BLVRA: variants seen among roughly 807,000 people sequenced by gnomAD.
The protein encoded by BLVRA is BVR A.
BLVRA carries 22 observed loss-of-function variants against 32.8 expected under a neutral mutation model. That is an observed-to-expected ratio of 0.67 (90% CI 0.48 to 0.96). The LOEUF (loss-of-function observed/expected upper bound fraction) is 0.96. BLVRA is among the 40% of genes least tolerant of loss of function. The probability of loss-of-function intolerance (pLI) is 0.00; values close to 1 mark genes in which losing one functional copy is unlikely to be tolerated. For missense variants in BLVRA, 323 were observed against 358.1 expected (o/e 0.90, Z 0.79); for synonymous variants, 119 against 141.3 (o/e 0.84, Z 1.12).
chr7:43,773,656 T>C (rs1197413400), intron 2 of BLVRA, among the ~76,000 whole-genome samples: 2 of 152,206 alleles, frequency 1.3e-5, no homozygotes, highest in Admixed American at 1.3e-4. Context: ...ATATACCCAG[T>C]AATGGGATGG....
At chr7:43,762,129 G>A (rs899896290) in intron 1 of BLVRA, among the ~76,000 whole-genome samples, 3 of 152,134 alleles carry the variant, frequency 2.0e-5, no homozygotes, top group African/African-American at 7.2e-5. Flanking sequence ...GAGGAACAAG[G>A]AGGAAGGTCA....
chr7:43,788,008 G>T lies in BLVRA; in HGVS notation c.117G>T (p.Leu39=). 1 of 1,614,206 alleles carries T rather than the reference G, an allele frequency of 6.2e-7. No homozygotes were observed. The highest frequency in any genetic ancestry group is 8.5e-7 in the Non-Finnish European group (1 of 1,180,028). ...ACCCTTCCTCAGCGTTCCTGAACCT[G>T]ATTGGCTTCGTGTCGAGGTGGCTCA... ...NPHPSSAFLN[L]IGFVSRRELG... Residue 39 remains leucine, a synonymous_variant, in exon 3 of 8, where the codon CTG becomes CTT. Transcript: ENST00000265523.
chr7:43,792,164 G>A (rs988287937), intron 4 of BLVRA, among the ~76,000 whole-genome samples: 5 of 152,176 alleles, frequency 3.3e-5, no homozygotes, highest in Non-Finnish European at 5.9e-5. Flanking sequence ...TATCCTCCAC[G>A]GCCTGTAGTC....
In BLVRA at chr7:43,791,274, G is replaced by A. The variant is rs1475481001; in HGVS notation, c.160G>A (p.Val54Ile). The change falls in exon 4 of 8, where the codon GTC (valine) becomes ATC (isoleucine). Residue 54 changes from valine (V) to isoleucine (I), a missense_variant. Transcript: ENST00000265523. The stretch of plus-strand genomic sequence containing the variant: ...AAGGGAGCTCGGGAGCATTGATGGA[G>A]TCCAGCAGATTTCTTTGGAGGATGC... The part of the protein sequence containing the change: ...SRRELGSIDG[V>I]QQISLEDALS... 1.2e-6 allele frequency: 2 copies of A among 1,614,082 alleles called. No individual in the cohort carries two copies. The highest frequency in any genetic ancestry group is 1.7e-6 in the Non-Finnish European group (2 of 1,180,042).
At chr7:43,780,917 T>C (rs1245006394) in intron 2 of BLVRA, among the ~76,000 whole-genome samples, 2 of 152,196 alleles carry the variant, frequency 1.3e-5, no homozygotes, top group Non-Finnish European at 2.9e-5. Flanking sequence ...GAGGCCGAGG[T>C]GGGCGGATCA....
At chr7:43,802,373 ATAATG>A (rs1177172623) in intron 6 of BLVRA, among the ~76,000 whole-genome samples, 19 of 152,328 alleles carry the variant, frequency 1.2e-4, no homozygotes, top group Admixed American at 2.0e-4. Flanking sequence ...TGTTTTGTTT[ATAATG>A]TAATGTAACA....
At chr7:43,800,305 C>A in intron 5 of BLVRA, 160 bp from the exon 6 acceptor site, 1 of 682,934 alleles carries the variant, frequency 1.5e-6, no homozygotes, top group Admixed American at 2.1e-5. Flanking sequence ...GCCTCTTCAG[C>A]TGGGGTGGGT....
At chr7:43,793,464 A>G (rs891219995) in intron 5 of BLVRA, among the ~76,000 whole-genome samples, 15 of 152,160 alleles carry the variant, frequency 9.9e-5, no homozygotes, top group African/African-American at 3.6e-4. Context: ...TGTTCCCCTA[A>G]GCCATACCAC....
intron 1 of BLVRA, among the ~76,000 whole-genome samples, chr7:43,765,169 A>G (rs1271208743): frequency 2.6e-5 from 4 of 152,190 alleles, no homozygotes; most frequent in Non-Finnish European, 4.4e-5. Context: ...TTTTTCTTTC[A>G]ACTTTCTAGT....
At position 43,781,182 on chromosome 7, in the gene BLVRA, T is replaced by C. The variant is rs553020698; in HGVS notation, c.13-6722T>C. ...AATTATATGCAGTAAAACTGCCTCT[T>C]TTTTTTTGGTGTAGAGGTTTACCCA... On this transcript the variant is annotated intron_variant, in intron 2 of 7. Coordinates refer to ENST00000265523, the MANE Select transcript of BLVRA (RefSeq NM_000712.4). Among the ~76,000 whole-genome samples the C allele has an allele frequency of 2.6e-5, 4 of 151,828 alleles. No homozygotes were observed. In the East Asian group the frequency reaches 7.7e-4, roughly 29 times the overall value.
intron 3 of BLVRA, among the ~76,000 whole-genome samples, chr7:43,789,692 A>G (rs1167211232): frequency 6.6e-6 from 1 of 152,096 alleles, no homozygotes; most frequent in Non-Finnish European, 1.5e-5. Context: ...ACACCCCTGC[A>G]TGACAGCCCT....
chr7:43,791,111 C>T (rs1424486089), intron 3 of BLVRA, 138 bp from the exon 4 acceptor site: 1 of 1,476,332 alleles, frequency 6.8e-7, no homozygotes, highest in African/African-American at 1.4e-5. Context: ...TGGAAAATAG[C>T]CTGGAAGTGG....
At chr7:43,806,883 A>G in intron 7 of BLVRA, 94 bp from the exon 8 acceptor site, 1 of 1,462,518 alleles carries the variant, frequency 6.8e-7, no homozygotes, top group Non-Finnish European at 9.6e-7. Context: ...GGTGCCTGAC[A>G]AGGACATGTT....
chr7:43,766,936 G>A (rs935175136), intron 1 of BLVRA, among the ~76,000 whole-genome samples: 19 of 152,194 alleles, frequency 1.2e-4, no homozygotes, highest in African/African-American at 3.9e-4. Context: ...GTTCGACGTT[G>A]CAGTGAGCTG....
At chr7:43,806,864 A>G (rs562353351) in intron 7 of BLVRA, 113 bp from the exon 8 acceptor site, 14 of 1,228,804 alleles carry the variant, frequency 1.1e-5, no homozygotes, top group Admixed American at 3.5e-5. Context: ...GGTGGCTGCA[A>G]GGAGGATGGG....
At chr7:43,764,512 C>T (rs566811298) in intron 1 of BLVRA, among the ~76,000 whole-genome samples, 62 of 152,138 alleles carry the variant, frequency 4.1e-4, no homozygotes, top group African/African-American at 1.4e-3. Flanking sequence ...AAGGTAGAAG[C>T]TTTTGAAGTG....
rs376962513 is a variant in BLVRA at position 43,807,100 on chromosome 7, G to A, written c.756G>A (p.Leu252=). 29 of 1,614,070 alleles carry A rather than the reference G, an allele frequency of 1.8e-5. No individual in the cohort carries two copies. The highest frequency in any genetic ancestry group is 2.5e-5 in the Non-Finnish European group (29 of 1,180,042). Residue 252 remains leucine (L), a synonymous_variant, in exon 8 of 8, where the codon CTG becomes CTA. Coordinates refer to ENST00000265523, the MANE Select transcript of BLVRA (RefSeq NM_000712.4). The stretch of plus-strand genomic sequence containing the variant: ...TAGGAGTGAATAAGAACATATTTCT[G>A]AAAGATCAAAATATATTTGTCCAGA... ...PNVGVNKNIF[L]KDQNIFVQKL...
chr7:43,784,365 C>A (rs1384326433), intron 2 of BLVRA, among the ~76,000 whole-genome samples: 1 of 152,140 alleles, frequency 6.6e-6, no homozygotes, highest in Non-Finnish European at 1.5e-5. Context: ...CCTGCGTGCA[C>A]TTTCCCCTTT....
chr7:43,766,080 G>A (rs1205799448), intron 1 of BLVRA, among the ~76,000 whole-genome samples: 1 of 152,200 alleles, frequency 6.6e-6, no homozygotes, highest in Non-Finnish European at 1.5e-5. Context: ...CTGAGGTGAG[G>A]AGTTCCAGAC....
Sources: gnomAD v4.1 joint callset for allele counts (sites outside exome capture counted in the v4.1 genomes callset) on GRCh38, gnomAD v4.1.1 for gene constraint, MANE v1.5 for transcripts, NCBI Gene and HGNC (gene_info 2026-07-23, HGNC 2026-07-21) for gene names.